The following INCENP variants were observed in gnomAD, a reference collection of about 807,000 sequenced individuals.
INCENP encodes the protein binds and activates aurora-B and -C in vivo and in vitro.
INCENP carries 43 observed loss-of-function variants against 107.3 expected under a neutral mutation model. The ratio of observed to expected loss-of-function variants is 0.40; its 90% CI spans 0.31 to 0.52. The LOEUF (loss-of-function observed/expected upper bound fraction) is 0.52. Ranked by LOEUF, INCENP falls within the 20% of genes least tolerant of loss-of-function variation. INCENP has a pLI of 0.53. For missense variants in INCENP, 1,089 were observed against 1,250.9 expected, an observed-to-expected ratio of 0.87 and a Z score of 1.95; for synonymous variants, 488 against 494.4, an observed-to-expected ratio of 0.99 and a Z score of 0.17.
chr11:62,128,710 G>A, intron 2 of INCENP, 60 bp from the exon 3 acceptor site: 2 of 1,184,390 alleles, frequency 1.7e-6, no homozygotes, highest in South Asian at 2.4e-5. Flanking sequence ...CAGGCTGGGT[G>A]GGAGAGGGGA....
At position 62,151,757 on chromosome 11, in the gene INCENP, T is replaced by C. The variant is rs201829166; in HGVS notation, c.2543-5T>C. The C allele has an allele frequency of 6.9e-5, 112 of 1,613,580 alleles. No individual in the cohort carries two copies. In the Middle Eastern group the frequency reaches 1.5e-3, roughly 21 times the overall value. On this transcript the variant is annotated splice_polypyrimidine_tract_variant and splice_region_variant and intron_variant, in intron 18 of 18. Coordinates refer to ENST00000394818, the MANE Select transcript of INCENP (RefSeq NM_001040694.2). ...AGGCAGTGTCTGGTCTGTGGTCTCC[T>C]GCAGGCACCCCGCTCAGCCAGGCTA...
rs755587677 is a variant in INCENP at position 62,151,995 on chromosome 11, T to G, written c.*19T>G. 6.3e-6 allele frequency: 10 copies of G among 1,582,156 alleles called. No homozygotes were observed. The South Asian group carries it at 1.1e-4, about 17-fold the overall frequency. ...GCACTGAGGCTGGCCTGCGGCCTTC[T>G]TGGCAGCCTCGCCTCCTGTCCATGT... On this transcript the variant is annotated 3_prime_UTR_variant, in exon 19 of 19. Transcript: ENST00000394818.
Position 62,128,785 on chromosome 11 carries a change from G to A in INCENP, c.156G>A (p.Glu52=). Reference sequence around the variant, plus strand: ...TGCCAAACAGAGAATTCAGCAAAGAGCCAGAGCTGATGCCCAAAACACCTT... The same window carrying A: ...TGCCAAACAGAGAATTCAGCAAAGAACCAGAGCTGATGCCCAAAACACCTT... ...ERMFTREFSK[E]PELMPKTPSQ... Residue 52 remains glutamate, a synonymous_variant, in exon 3 of 19, where the codon GAG becomes GAA. Coordinates refer to ENST00000394818, the MANE Select transcript of INCENP (RefSeq NM_001040694.2). 6.2e-7 allele frequency: 1 copy of A among 1,613,640 alleles called. No individual in the cohort carries two copies. Among genetic ancestry groups the A allele is most frequent in the Non-Finnish European group, 8.5e-7 (1 of 1,179,530 alleles).
In INCENP at chr11:62,138,730, C is replaced by T; in HGVS notation, c.1133C>T (p.Pro378Leu). ...GTTTTCAGTTCTGAGCAGAAGGAACCCCCCGAGGAGGCTGAGCCTGTGGCG... is the reference window on the plus strand; with the variant it reads ...GTTTTCAGTTCTGAGCAGAAGGAACTCCCCGAGGAGGCTGAGCCTGTGGCG... ...PQKVGSEQKE[P>L]PEEAEPVAAA... Residue 378 changes from proline (P) to leucine (L), a missense_variant, in exon 6 of 19, where the codon CCC becomes CTC. Pro to Leu is a moderately conservative substitution (Grantham distance 98, BLOSUM62 -3). Coordinates refer to ENST00000394818, the MANE Select transcript of INCENP (RefSeq NM_001040694.2). The T allele has an allele frequency of 1.2e-6, 2 of 1,614,084 alleles. No homozygotes were observed. Among genetic ancestry groups the T allele is most frequent in the Non-Finnish European group, 8.5e-7 (1 of 1,180,010 alleles).
intron 5 of INCENP, 138 bp from the exon 6 acceptor site, chr11:62,138,575 G>T (rs1944040590): frequency 3.0e-6 from 2 of 670,954 alleles, no homozygotes; most frequent in Non-Finnish European, 5.1e-6. Flanking sequence ...CCTACAGGGG[G>T]CTGTGGGTTC....
Position 62,138,869 on chromosome 11 carries a change from G to T in INCENP, c.1174-19G>T, listed in dbSNP as rs190518536. 3 of 1,607,972 alleles carry T rather than the reference G, an allele frequency of 1.9e-6. No individual in the cohort carries two copies. The East Asian group carries it at 6.7e-5, about 36-fold the overall frequency. ...TGGGTTCCAGGTCAAGACCCCTAAA[G>T]CCTTGGTTCTTTCCACAGGTCCCTG... On this transcript the variant is annotated intron_variant, in intron 6 of 18. Transcript: ENST00000394818.
intron 15 of INCENP, among the ~76,000 whole-genome samples, chr11:62,147,511 G>A (rs915200865): frequency 1.3e-5 from 2 of 152,178 alleles, no homozygotes; most frequent in East Asian, 1.9e-4. Flanking sequence ...GGTTGCCAAG[G>A]AGGAAAAGCC....
intron 1 of INCENP, among the ~76,000 whole-genome samples, chr11:62,125,208 G>A (rs1943723178): frequency 6.6e-6 from 1 of 152,270 alleles, no homozygotes; most frequent in South Asian, 2.1e-4. Context: ...CTTTTTCAGG[G>A]TCACCTCTGT....
At chr11:62,141,699 G>A (rs796720188) in intron 11 of INCENP, 188 bp downstream of exon 11, 22 of 750,380 alleles carry the variant, frequency 2.9e-5, no homozygotes, top group African/African-American at 2.8e-4. Flanking sequence ...GGGCCCCAGC[G>A]TCCTTCTCTG....
rs772310147 is a variant in INCENP, at chr11:62,130,196, G to A, written c.669G>A (p.Ser223=). 7.4e-6 allele frequency: 12 copies of A among 1,613,820 alleles called. No individual in the cohort carries two copies. The highest frequency in any genetic ancestry group is 2.2e-5 in the South Asian group (2 of 91,086). The part of the protein sequence containing the change: ...TSDEESTPKK[S]KARILESITV... The stretch of plus-strand genomic sequence containing the variant: ...ATGAGGAATCAACACCTAAGAAGTC[G>A]AAGGCCAGGATACTGGAGTCCATCA... Residue 223 remains serine, a synonymous_variant, in exon 4 of 19, where the codon TCG becomes TCA. Transcript: ENST00000394818.
chr11:62,127,042 TG>T lies in INCENP; in HGVS notation c.-11-1108del, dbSNP rs1374544087. The stretch of plus-strand genomic sequence containing the variant: ...GTAATGGCTATCAAGTTTTTTGTTT[TG>T]TTTTTTTTTTTTTGAGACAGTCTCG... On this transcript the variant is annotated intron_variant, in intron 1 of 18. Coordinates refer to ENST00000394818, the MANE Select transcript of INCENP (RefSeq NM_001040694.2). 3.7e-3 allele frequency among the ~76,000 whole-genome samples: 352 copies of T among 95,744 alleles called. 10 individuals carry two copies. In the East Asian group the frequency reaches 0.048, roughly 13 times the overall value. 62.8% of individuals were successfully genotyped at this position (95,744 alleles called of 152,430 possible). A position where few individuals can be genotyped will look rare whatever the true frequency, so the allele number is the denominator to read the frequency against.
chr11:62,144,113 C>T (rs1173640861), intron 11 of INCENP, among the ~76,000 whole-genome samples: 3 of 152,212 alleles, frequency 2.0e-5, no homozygotes, highest in Non-Finnish European at 4.4e-5. Flanking sequence ...AGGCGGATCC[C>T]TTGAGGTCAG....
intron 11 of INCENP, among the ~76,000 whole-genome samples, chr11:62,141,951 G>A (rs1025876276): frequency 3.9e-5 from 6 of 152,218 alleles, no homozygotes; most frequent in African/African-American, 1.2e-4. Flanking sequence ...ATGGGGGAGC[G>A]CAAGTGTGGG....
intron 2 of INCENP, 61 bp downstream of exon 2, chr11:62,128,362 T>C: frequency 6.3e-7 from 1 of 1,597,126 alleles, no homozygotes; most frequent in Non-Finnish European, 8.6e-7. Context: ...GCTTTGGTCT[T>C]GGGGACACAA....
chr11:62,151,270 C>T lies in INCENP; in HGVS notation c.2543-492C>T, dbSNP rs1051848403. 5.3e-5 allele frequency among the ~76,000 whole-genome samples: 8 copies of T among 152,290 alleles called. No individual in the cohort carries two copies. In the East Asian group the frequency reaches 1.2e-3, roughly 22 times the overall value. On this transcript the variant is annotated intron_variant, in intron 18 of 18. Transcript: ENST00000394818. ...TGATCCCCTGGGTCTTCCTCAGCCC[C>T]GTTGTCAGGACTGTGCCTTCCCACA...
intron 7 of INCENP, among the ~76,000 whole-genome samples, chr11:62,139,218 G>T (rs368411153): frequency 6.6e-6 from 1 of 152,166 alleles, no homozygotes; most frequent in Non-Finnish European, 1.5e-5. Context: ...CAGCATGGGG[G>T]GCTGTGGCTG....
At chr11:62,145,487 G>A (rs952932800) in intron 13 of INCENP, 142 bp from the exon 14 acceptor site, 31 of 1,309,140 alleles carry the variant, frequency 2.4e-5, no homozygotes, top group African/African-American at 1.3e-4. Flanking sequence ...AGGCAGGACC[G>A]GCTTCTGGTG....
chr11:62,140,629 C>A, intron 8 of INCENP, 75 bp from the exon 9 acceptor site: 2 of 1,291,772 alleles, frequency 1.5e-6, no homozygotes, highest in Non-Finnish European at 1.1e-6. Flanking sequence ...GTATTGTTCA[C>A]CGGGGTGACT....
At chr11:62,133,921 C>T (rs1590610879) in intron 4 of INCENP, among the ~76,000 whole-genome samples, 2 of 152,282 alleles carry the variant, frequency 1.3e-5, no homozygotes, top group African/African-American at 4.8e-5. Context: ...TGCACCCCAA[C>T]CTCCCGCTGG....
Sources: gnomAD v4.1 joint callset for allele counts (sites outside exome capture counted in the v4.1 genomes callset) on GRCh38, gnomAD v4.1.1 for gene constraint, MANE v1.5 for transcripts, NCBI Gene and HGNC (gene_info 2026-07-23, HGNC 2026-07-21) for gene names.